The following RNF114 variants were observed in gnomAD, a reference collection of about 807,000 sequenced individuals.
The protein encoded by RNF114 is ring finger protein 114, also known as E3 ubiquitin-protein ligase RNF114.
RNF114 carries 6 observed loss-of-function variants against 28.4 expected under a neutral mutation model. The ratio of observed to expected loss-of-function variants is 0.21; its 90% CI spans 0.12 to 0.42. RNF114 has a LOEUF of 0.42. Among genes scored for constraint, RNF114 ranks in the 10% least tolerant of loss-of-function variants. The pLI, the probability that RNF114 is intolerant of heterozygous loss-of-function variation, is 1.00. For synonymous variants in RNF114, 115 were observed against 116.7 expected (o/e 0.99, Z 0.09); for missense variants, 249 against 311.7 (o/e 0.80, Z 1.51).
At chr20:49,951,602 G>A (rs1360044664) in intron 5 of RNF114, among the ~76,000 whole-genome samples, 1 of 152,214 alleles carries the variant, frequency 6.6e-6, no homozygotes, top group African/African-American at 2.4e-5. Flanking sequence ...GCAGCAGACT[G>A]GGTGCAGTGG....
chr20:49,949,298 C>T lies in RNF114; in HGVS notation c.564C>T (p.Ser188=), dbSNP rs778885194. Residue 188 remains serine, a synonymous_variant, in exon 5 of 6, where the codon AGC becomes AGT. Transcript: ENST00000244061. The stretch of plus-strand genomic sequence containing the variant: ...CCTGGGGAGACCCCAACTACCGCAG[C>T]GCCAACTTCAGAGAGCACATCCAGC... ...SMPWGDPNYR[S]ANFREHIQRR... 52 of 1,614,064 alleles carry T rather than the reference C, an allele frequency of 3.2e-5. No homozygotes were observed. The highest frequency in any genetic ancestry group is 1.7e-4 in the Middle Eastern group (1 of 6,050).
intron 4 of RNF114, among the ~76,000 whole-genome samples, 170 bp downstream of exon 4, chr20:49,946,420 C>G (rs1462952134): frequency 6.6e-6 from 1 of 152,088 alleles, no homozygotes; most frequent in African/African-American, 2.4e-5. Flanking sequence ...ACATTTTTTG[C>G]TGACCACTTG....
Position 49,936,428 on chromosome 20 carries a change from CG to C in RNF114, c.19del (p.Asp7ThrfsTer18). 1 of 1,522,228 alleles carries C rather than the reference CG, an allele frequency of 6.6e-7. No individual in the cohort carries two copies. The highest frequency in any genetic ancestry group is 8.8e-7 in the Non-Finnish European group (1 of 1,135,690). The allele number at this position is 1,522,228 out of a possible 1,614,324, so 94.3% of individuals were successfully genotyped here. MAAQQ[R>X]DCGGAAQLAG... Reference sequence around the variant, plus strand: ...CGGCAGCAAGATGGCGGCGCAACAGCGGGACTGCGGGGGTGCTGCGCAGCTG... The same window carrying C: ...CGGCAGCAAGATGGCGGCGCAACAGCGGACTGCGGGGGTGCTGCGCAGCTG... On this transcript the variant is annotated frameshift_variant, in exon 1 of 6. Coordinates refer to ENST00000244061, the MANE Select transcript of RNF114 (RefSeq NM_018683.4). LOFTEE classifies it high-confidence loss of function.
rs923095271 is a variant in RNF114 at position 49,952,485 on chromosome 20, C to G, written c.*344C>G. The G allele has an allele frequency of 1.9e-5, 9 of 476,596 alleles. No homozygotes were observed. The highest frequency in any genetic ancestry group is 1.2e-4 in the African/African-American group (6 of 52,054). 29.5% of individuals were successfully genotyped at this position (476,596 alleles called of 1,614,324 possible). ...CTCATTCCTCCCATCCAGTGTTTGT[C>G]TCTCGGGTCCTTCAAGCCAGCCAGG... On this transcript the variant is annotated 3_prime_UTR_variant, in exon 6 of 6. Coordinates refer to ENST00000244061, the MANE Select transcript of RNF114 (RefSeq NM_018683.4).
chr20:49,947,721 T>C (rs1320071881), intron 4 of RNF114, among the ~76,000 whole-genome samples: 1 of 149,656 alleles, frequency 6.7e-6, no homozygotes, highest in Non-Finnish European at 1.5e-5. Context: ...TGTTGAGGCC[T>C]TCTCTTCAGC....
At chr20:49,939,099 C>A (rs1461473288) in intron 1 of RNF114, among the ~76,000 whole-genome samples, 2 of 152,216 alleles carry the variant, frequency 1.3e-5, no homozygotes, top group Non-Finnish European at 2.9e-5. Context: ...TGGCTGTCCT[C>A]GTAATCAGGT....
At chr20:49,946,383 T>G in intron 4 of RNF114, 133 bp downstream of exon 4, 2 of 587,556 alleles carry the variant, frequency 3.4e-6, no homozygotes, top group Non-Finnish European at 5.9e-6. Flanking sequence ...CATTTTACCA[T>G]ATTTGCTTAA....
At chr20:49,942,561 G>A (rs2090311871) in intron 2 of RNF114, among the ~76,000 whole-genome samples, 1 of 152,168 alleles carries the variant, frequency 6.6e-6, no homozygotes, top group Admixed American at 6.5e-5. Context: ...GGTGGTTCAT[G>A]CCTGTAATCC....
intron 5 of RNF114, among the ~76,000 whole-genome samples, chr20:49,949,622 G>C (rs1407380399): frequency 6.6e-6 from 1 of 152,252 alleles, no homozygotes; most frequent in South Asian, 2.1e-4. Context: ...TTCTATTCAT[G>C]GGCCAGGCAG....
intron 5 of RNF114, 33 bp downstream of exon 5, chr20:49,949,388 C>G: frequency 1.3e-6 from 2 of 1,554,188 alleles, no homozygotes; most frequent in Non-Finnish European, 1.8e-6. Flanking sequence ...GATCCCTCCC[C>G]TGGGGGAGTG....
At position 49,941,616 on chromosome 20, in the gene RNF114, G is replaced by A. The variant is rs2090307930; in HGVS notation, c.196G>A (p.Val66Met). 6.2e-7 allele frequency: 1 copy of A among 1,612,528 alleles called. No individual in the cohort carries two copies. The highest frequency in any genetic ancestry group is 8.5e-7 in the Non-Finnish European group (1 of 1,179,054). ...GAAGCCGAAGAAGCCTGTCTGTGGG[G>A]TGTGTCGCAGCGCTCTGGCACCTGG... The part of the protein sequence containing the change: ...CLKPKKPVCG[V>M]CRSALAPGVR... Residue 66 changes from valine to methionine, a missense_variant, in exon 2 of 6, where the codon GTG becomes ATG. Physicochemically the swap from Val to Met is conservative, Grantham distance 21. Coordinates refer to ENST00000244061, the MANE Select transcript of RNF114 (RefSeq NM_018683.4).
chr20:49,941,855 G>A, intron 2 of RNF114, 144 bp downstream of exon 2: 1 of 764,224 alleles, frequency 1.3e-6, no homozygotes, highest in Non-Finnish European at 2.0e-6. Context: ...GGTGATGGCT[G>A]GGCTGGTTTG....
At chr20:49,943,331 C>G (rs915143570) in intron 2 of RNF114, among the ~76,000 whole-genome samples, 2 of 152,080 alleles carry the variant, frequency 1.3e-5, no homozygotes, top group African/African-American at 4.8e-5. Flanking sequence ...TCTGTATATA[C>G]CAAAACAAAC....
intron 1 of RNF114, among the ~76,000 whole-genome samples, chr20:49,937,167 T>C (rs544575286): frequency 1.3e-5 from 2 of 152,266 alleles, no homozygotes; most frequent in East Asian, 3.9e-4. Flanking sequence ...ACCTGAATAT[T>C]GTGAATAGAG....
chr20:49,939,578 C>T (rs779931633), intron 1 of RNF114, among the ~76,000 whole-genome samples: 5 of 152,150 alleles, frequency 3.3e-5, no homozygotes, highest in Admixed American at 1.3e-4. Context: ...GATAGGAACT[C>T]GGTCATCTTT....
intron 5 of RNF114, 46 bp downstream of exon 5, chr20:49,949,401 A>T: frequency 6.7e-7 from 1 of 1,483,944 alleles, no homozygotes; most frequent in Non-Finnish European, 9.4e-7. Context: ...GGGGAGTGGC[A>T]CGGCTACTTC....
chr20:49,949,200 T>C (rs760082869), intron 4 of RNF114, 48 bp from the exon 5 acceptor site: 1 of 1,501,448 alleles, frequency 6.7e-7, no homozygotes. Flanking sequence ...AGAGGGCTGG[T>C]GCAAGCTTGG....
intron 1 of RNF114, among the ~76,000 whole-genome samples, chr20:49,936,823 T>C (rs985857036): frequency 1.3e-5 from 2 of 152,170 alleles, no homozygotes; most frequent in Non-Finnish European, 2.9e-5. Context: ...CCTGTCAGTC[T>C]CCTTCCCACA....
intron 2 of RNF114, 91 bp downstream of exon 2, chr20:49,941,802 A>G: frequency 7.0e-7 from 1 of 1,421,692 alleles, no homozygotes; most frequent in Non-Finnish European, 9.7e-7. Context: ...AAGTTAGAGC[A>G]TGACTAGGTC....
Sources: allele counts gnomAD v4.1 joint callset (sites outside exome capture counted in the v4.1 genomes callset), GRCh38; gene constraint gnomAD v4.1.1; transcripts MANE v1.5; gene names NCBI Gene and HGNC (gene_info 2026-07-23, HGNC 2026-07-21).